SBF2: variants seen among roughly 807,000 people sequenced by gnomAD.
SBF2 encodes the protein myotubularin-related protein 13.
In SBF2, 112 loss-of-function variants were observed where a neutral mutation model predicts 225.2. The ratio of observed to expected loss-of-function variants is 0.50; its 90% CI spans 0.43 to 0.58. The LOEUF is 0.58. SBF2 is among the 20% of genes least tolerant of loss of function. SBF2 has a pLI of 0.00. For missense variants in SBF2, 1,996 were observed against 2,206.2 expected (o/e 0.90, Z 1.91); for synonymous variants, 763 against 773.3 (o/e 0.99, Z 0.22).
At chr11:9,869,876 TAA>T (rs988888517) in intron 17 of SBF2, among the ~76,000 whole-genome samples, 14 of 152,064 alleles carry the variant, frequency 9.2e-5, no homozygotes, top group African/African-American at 3.1e-4. Flanking sequence ...GAGAAAGAAA[TAA>T]AGAGTATTCA....
intron 1 of SBF2, among the ~76,000 whole-genome samples, chr11:10,206,280 C>A (rs1173904175): frequency 1.3e-5 from 2 of 150,940 alleles, no homozygotes; most frequent in Admixed American, 6.6e-5. Flanking sequence ...TTAATGGCCC[C>A]AGCATTAAAT....
intron 24 of SBF2, among the ~76,000 whole-genome samples, chr11:9,844,748 C>T (rs568235571): frequency 9.2e-5 from 14 of 151,784 alleles, no homozygotes; most frequent in African/African-American, 2.7e-4. Context: ...AAGATAATGC[C>T]GGACAAGGGG....
At chr11:10,189,905 A>C (rs1957094547) in intron 2 of SBF2, among the ~76,000 whole-genome samples, 9 of 152,170 alleles carry the variant, frequency 5.9e-5, no homozygotes, top group Admixed American at 5.9e-4. Flanking sequence ...TAATCGCAGC[A>C]CTTTGGGAGG....
In SBF2 at chr11:9,938,787, A is replaced by G. The variant is rs1202500689; in HGVS notation, c.1860+23170T>C. On this transcript the variant is annotated intron_variant, in intron 16 of 39. Coordinates refer to ENST00000256190, the MANE Select transcript of SBF2 (RefSeq NM_030962.4). Reference sequence around the variant, plus strand: ...TCTTGCAAGAAAATTTAGACAACATATATATCTTGATGAAGAAAATGTTCT... The same window carrying G: ...TCTTGCAAGAAAATTTAGACAACATGTATATCTTGATGAAGAAAATGTTCT... Among the ~76,000 whole-genome samples, 7 of 152,236 alleles carry G rather than the reference A, an allele frequency of 4.6e-5. No homozygotes were observed. In the East Asian group the frequency reaches 1.2e-3, roughly 25 times the overall value.
At chr11:9,936,719 G>A (rs1864924598) in intron 16 of SBF2, among the ~76,000 whole-genome samples, 1 of 152,142 alleles carries the variant, frequency 6.6e-6, no homozygotes, top group Non-Finnish European at 1.5e-5. Flanking sequence ...ACCAAACACT[G>A]CATGTTCTCA....
chr11:10,083,669 C>T (rs2134878096), intron 2 of SBF2, among the ~76,000 whole-genome samples: 1 of 152,114 alleles, frequency 6.6e-6, no homozygotes, highest in African/African-American at 2.4e-5. Flanking sequence ...AATTGGAGTG[C>T]CATATGGAGA....
chr11:9,842,685 C>G lies in SBF2; in HGVS notation c.3196G>C (p.Gly1066Arg). 1 of 1,614,036 alleles carries G rather than the reference C, an allele frequency of 6.2e-7. No homozygotes were observed. The highest frequency in any genetic ancestry group is 8.5e-7 in the Non-Finnish European group (1 of 1,179,918). Residue 1066 changes from glycine to arginine, a missense_variant, in exon 25 of 40, where the codon GGG becomes CGG. Coordinates refer to ENST00000256190, the MANE Select transcript of SBF2 (RefSeq NM_030962.4). ...TTTACTCTTTCTTCCACAATTGTCC[C>G]TGTCTTCTTCTTCAGTAAATATTGC... ...GRQYLLKKKT[G>R]TIVEERVNRP...
chr11:9,901,036 G>T (rs1023259057), intron 16 of SBF2, among the ~76,000 whole-genome samples: 28 of 152,170 alleles, frequency 1.8e-4, no homozygotes, highest in Admixed American at 9.8e-4. Flanking sequence ...CAGCCCAAAA[G>T]ATCATTTTAA....
chr11:10,299,035 T>C (rs554037769), upstream of SBF2, among the ~76,000 whole-genome samples: 5 of 152,252 alleles, frequency 3.3e-5, no homozygotes, highest in East Asian at 5.8e-4. Flanking sequence ...AAAGGCTTCA[T>C]AGATGACGTA....
At chr11:10,101,445 CT>C (rs1167592780) in intron 2 of SBF2, among the ~76,000 whole-genome samples, 2 of 152,162 alleles carry the variant, frequency 1.3e-5, no homozygotes, top group Non-Finnish European at 2.9e-5. Context: ...AATTGAGAAT[CT>C]TTTGCCAATA....
intron 6 of SBF2, among the ~76,000 whole-genome samples, chr11:10,009,751 T>C (rs543459217): frequency 6.6e-6 from 1 of 152,358 alleles, no homozygotes; most frequent in Admixed American, 6.5e-5. Context: ...GAATGATTTA[T>C]AATCCTTTGG....
At chr11:10,153,157 A>C (rs796496718) in intron 2 of SBF2, among the ~76,000 whole-genome samples, 8 of 152,322 alleles carry the variant, frequency 5.3e-5, no homozygotes, top group African/African-American at 1.9e-4. Flanking sequence ...TAGGAATAGT[A>C]ACTCTGGTGA....
At chr11:10,158,989 C>T (rs905755811) in intron 2 of SBF2, among the ~76,000 whole-genome samples, 1 of 151,650 alleles carries the variant, frequency 6.6e-6, no homozygotes, top group East Asian at 1.9e-4. Context: ...AGGATGTACC[C>T]CCCAAATAAT....
chr11:10,193,867 C>A, intron 2 of SBF2, 35 bp downstream of exon 2: 1 of 1,357,380 alleles, frequency 7.4e-7, no homozygotes, highest in South Asian at 1.2e-5. Context: ...AGAAAAGTAA[C>A]ATTATAAATA....
intron 2 of SBF2, among the ~76,000 whole-genome samples, chr11:10,144,369 T>C (rs1326921030): frequency 6.6e-6 from 1 of 151,946 alleles, no homozygotes; most frequent in Non-Finnish European, 1.5e-5. Flanking sequence ...GCACCTGTAG[T>C]CCCCGCTACC....
chr11:10,151,558 T>C (rs999612693), intron 2 of SBF2, among the ~76,000 whole-genome samples: 4 of 152,232 alleles, frequency 2.6e-5, no homozygotes, highest in Non-Finnish European at 4.4e-5. Context: ...TTGACAAATG[T>C]AGGAAATCAG....
At chr11:9,980,734 G>A (rs768915004) in intron 13 of SBF2, among the ~76,000 whole-genome samples, 24 of 151,782 alleles carry the variant, frequency 1.6e-4, no homozygotes, top group Admixed American at 1.2e-3. Flanking sequence ...GCCTGACACC[G>A]CGCCCGGCTA....
intron 16 of SBF2, chr11:9,961,148 T>C (rs1866541926): frequency 6.6e-6 from 1 of 152,216 alleles, no homozygotes; most frequent in Non-Finnish European, 1.5e-5. Context: ...ATATTGAGTC[T>C]TCCATTCCAT....
chr11:9,871,303 A>T (rs1858714543), intron 17 of SBF2, among the ~76,000 whole-genome samples: 1 of 151,798 alleles, frequency 6.6e-6, no homozygotes, highest in Admixed American at 6.6e-5. Context: ...CTTACAAGAA[A>T]AAAAGACCCC....
Sources: allele counts gnomAD v4.1 joint callset (sites outside exome capture counted in the v4.1 genomes callset), GRCh38; gene constraint gnomAD v4.1.1; transcripts MANE v1.5; gene names NCBI Gene and HGNC (gene_info 2026-07-23, HGNC 2026-07-21).